Variants in RBFOX1 observed in about 807,000 individuals in gnomAD.
The protein encoded by RBFOX1 is RNA binding protein fox-1 homolog 1.
A neutral mutation model predicts 57.7 loss-of-function variants in RBFOX1; 8 were observed. The ratio of observed to expected loss-of-function variants is 0.14; its 90% CI spans 0.08 to 0.25. The LOEUF is 0.25. RBFOX1 is among the 10% of genes least tolerant of loss of function. RBFOX1 has a pLI of 1.00. For synonymous variants in RBFOX1, 326 were observed against 222.4 expected (o/e 1.47, Z -4.15); for missense variants, 611 against 548.5 (o/e 1.11, Z -1.14).
At chr16:6,066,237 G>A (rs2095759574) in intron 1 of RBFOX1, among the ~76,000 whole-genome samples, 1 of 129,032 alleles carries the variant, frequency 7.8e-6, no homozygotes, top group Non-Finnish European at 1.5e-5. Context: ...GGAGGTTGCA[G>A]TGATCCAAGA....
At chr16:7,680,574 C>G (rs1024375612) in intron 14 of RBFOX1, among the ~76,000 whole-genome samples, 1 of 152,130 alleles carries the variant, frequency 6.6e-6, no homozygotes, top group Non-Finnish European at 1.5e-5. Context: ...ATTTCTTCCA[C>G]ATAAAACATG....
intron 1 of RBFOX1, among the ~76,000 whole-genome samples, chr16:6,045,573 C>G (rs1362330441): frequency 3.3e-5 from 5 of 152,138 alleles, no homozygotes; most frequent in African/African-American, 1.2e-4. Context: ...CTGTCAGACA[C>G]CAGGCATCTT....
chr16:6,969,590 A>T (rs1015552663), intron 3 of RBFOX1, among the ~76,000 whole-genome samples: 1 of 152,006 alleles, frequency 6.6e-6, no homozygotes, highest in Non-Finnish European at 1.5e-5. Flanking sequence ...AAAATAAAAA[A>T]AAAATTAGTT....
chr16:5,509,605 C>G (rs1338907574), intron 2 of RBFOX1, among the ~76,000 whole-genome samples: 1 of 152,128 alleles, frequency 6.6e-6, no homozygotes, highest in Non-Finnish European at 1.5e-5. Context: ...AGTGAGGGGC[C>G]CTTGCAAATT....
intron 2 of RBFOX1, among the ~76,000 whole-genome samples, chr16:6,525,836 C>T (rs1178294699): frequency 6.6e-6 from 1 of 152,014 alleles, no homozygotes; most frequent in African/African-American, 2.4e-5. Flanking sequence ...TTCATAAAGG[C>T]AATTCACAAC....
intron 1 of RBFOX1, among the ~76,000 whole-genome samples, chr16:5,376,108 C>T (rs1215123151): frequency 6.6e-6 from 1 of 150,462 alleles, no homozygotes; most frequent in Non-Finnish European, 1.5e-5. Context: ...GCAGAGGTTG[C>T]AGTGAGCTGA....
At chr16:7,213,941 G>GC (rs2091595155) in intron 4 of RBFOX1, among the ~76,000 whole-genome samples, 1 of 151,822 alleles carries the variant, frequency 6.6e-6, no homozygotes, top group African/African-American at 2.4e-5. Context: ...GGGTTGTTAA[G>GC]AACTAAAATA....
At chr16:6,663,251 C>T (rs2098712366) in intron 3 of RBFOX1, among the ~76,000 whole-genome samples, 1 of 152,146 alleles carries the variant, frequency 6.6e-6, no homozygotes, top group Non-Finnish European at 1.5e-5. Flanking sequence ...AATGTCTCCA[C>T]CCAGGAACTT....
intron 4 of RBFOX1, among the ~76,000 whole-genome samples, chr16:5,899,542 G>T (rs185590481): frequency 6.6e-6 from 1 of 152,250 alleles, no homozygotes; most frequent in East Asian, 1.9e-4. Context: ...TGAATTCCAC[G>T]GGTTTCACAG....
At chr16:7,365,722 A>G (rs1311023731) in intron 4 of RBFOX1, among the ~76,000 whole-genome samples, 1 of 152,258 alleles carries the variant, frequency 6.6e-6, no homozygotes, top group Non-Finnish European at 1.5e-5. Context: ...CAAAATATCA[A>G]GAGTGCAGAG....
chr16:7,266,257 G>T (rs1015107368), intron 4 of RBFOX1, among the ~76,000 whole-genome samples: 1 of 152,052 alleles, frequency 6.6e-6, no homozygotes, highest in Admixed American at 6.6e-5. Context: ...TTACAGGTGT[G>T]AGCCACCGTG....
chr16:6,862,334 A>G (rs975882291), intron 3 of RBFOX1, among the ~76,000 whole-genome samples: 1 of 152,182 alleles, frequency 6.6e-6, no homozygotes, highest in Admixed American at 6.5e-5. Flanking sequence ...GGCGATGCTG[A>G]TCGTGCAGGT....
intron 4 of RBFOX1, among the ~76,000 whole-genome samples, chr16:7,242,899 C>G (rs533850188): frequency 5.9e-5 from 9 of 152,242 alleles, no homozygotes; most frequent in South Asian, 4.1e-4. Context: ...CAGTGCCTCT[C>G]GACATTTTCA....
At chr16:7,155,670 C>T (rs1191602976) in intron 4 of RBFOX1, among the ~76,000 whole-genome samples, 1 of 132,448 alleles carries the variant, frequency 7.6e-6, no homozygotes, top group African/African-American at 2.9e-5. Context: ...AGCTATCAGC[C>T]ACTTGCCTTC....
intron 4 of RBFOX1, among the ~76,000 whole-genome samples, chr16:7,284,353 T>C (rs538426318): frequency 4.9e-4 from 75 of 152,248 alleles, no homozygotes; most frequent in Non-Finnish European, 8.1e-4. Context: ...ATTTAAGATA[T>C]AGACTCCTGC....
chr16:6,614,998 C>T (rs925618959), intron 2 of RBFOX1, among the ~76,000 whole-genome samples: 4 of 152,150 alleles, frequency 2.6e-5, no homozygotes, highest in African/African-American at 9.7e-5. Flanking sequence ...TTGTTTTGGG[C>T]ATTATTTATT....
At chr16:6,820,168 C>A (rs2091016624) in intron 3 of RBFOX1, among the ~76,000 whole-genome samples, 1 of 152,134 alleles carries the variant, frequency 6.6e-6, no homozygotes, top group African/African-American at 2.4e-5. Flanking sequence ...ATAAGACATA[C>A]CTTTGCTTCT....
chr16:7,456,407 C>G (rs1361042780), intron 4 of RBFOX1, among the ~76,000 whole-genome samples: 1 of 152,094 alleles, frequency 6.6e-6, no homozygotes, highest in Non-Finnish European at 1.5e-5. Context: ...TTTTATGGGC[C>G]GGGATTAATT....
intron 3 of RBFOX1, among the ~76,000 whole-genome samples, chr16:6,847,603 G>A (rs2093825989): frequency 6.6e-6 from 1 of 152,000 alleles, no homozygotes; most frequent in Non-Finnish European, 1.5e-5. Context: ...CAAAGGGAGT[G>A]AATACAAGGG....
Sources: gnomAD v4.1 joint callset for allele counts (sites outside exome capture counted in the v4.1 genomes callset) on GRCh38, gnomAD v4.1.1 for gene constraint, MANE v1.5 for transcripts, NCBI Gene and HGNC (gene_info 2026-07-23, HGNC 2026-07-21) for gene names.